Variants in CCBE1 observed in about 807,000 individuals in gnomAD.
CCBE1 encodes the protein collagen and calcium-binding EGF domain-containing protein 1.
A neutral mutation model predicts 50.0 loss-of-function variants in CCBE1; 37 were observed. The ratio of observed to expected loss-of-function variants is 0.74; its 90% CI spans 0.57 to 0.97. The LOEUF (loss-of-function observed/expected upper bound fraction) is 0.97. Ranked by LOEUF, CCBE1 falls within the 50% of genes least tolerant of loss-of-function variation. The pLI, the probability that CCBE1 is intolerant of heterozygous loss-of-function variation, is 0.00. For missense variants in CCBE1, 538 were observed against 523.8 expected (o/e 1.03, Z -0.26); for synonymous variants, 234 against 203.7 (o/e 1.15, Z -1.27).
At chr18:59,655,387 G>T (rs1206889521) in intron 2 of CCBE1, among the ~76,000 whole-genome samples, 1 of 152,198 alleles carries the variant, frequency 6.6e-6, no homozygotes, top group Non-Finnish European at 1.5e-5. Flanking sequence ...GGGTCCAGGA[G>T]ACAGAGGCTG....
At chr18:59,578,249 G>T (rs2053029225) in intron 2 of CCBE1, among the ~76,000 whole-genome samples, 1 of 152,334 alleles carries the variant, frequency 6.6e-6, no homozygotes, top group Non-Finnish European at 1.5e-5. Flanking sequence ...ACCACAGTGA[G>T]ATACCATCTC....
intron 2 of CCBE1, among the ~76,000 whole-genome samples, chr18:59,675,304 A>G (rs28566500): frequency 0.28 from 42,486 of 152,082 alleles, 6,527 homozygotes; most frequent in Non-Finnish European, 0.35. Flanking sequence ...TTGTGTACCA[A>G]CCATGGTACT....
At chr18:59,496,498 G>C in intron 2 of CCBE1, among the ~76,000 whole-genome samples, 1 of 152,188 alleles carries the variant, frequency 6.6e-6, no homozygotes, top group Admixed American at 6.5e-5. Context: ...GAAGGAATTA[G>C]GGATTGACAG....
Position 59,543,834 on chromosome 18 carries a change from C to CAAAAAAAAAAAAAAA in CCBE1, c.213-63611_213-63597dup, listed in dbSNP as rs10678902. On this transcript the variant is annotated intron_variant, in intron 2 of 10. Coordinates refer to ENST00000439986, the MANE Select transcript of CCBE1 (RefSeq NM_133459.4). ...TGGGAGATAGAGCGAGACTCCGTCTCAAAAAAAAAAAAAAAAAAAAAAAAC... is the reference window on the plus strand; with the variant it reads ...TGGGAGATAGAGCGAGACTCCGTCTCAAAAAAAAAAAAAAAAAAAAAAAAAAAAAAAAAAAAAAAC... 1.8e-3 allele frequency among the ~76,000 whole-genome samples: 123 copies of CAAAAAAAAAAAAAAA among 68,970 alleles called. 4 individuals carry two copies. The highest frequency in any genetic ancestry group is 8.3e-3 in the African/African-American group (115 of 13,808). The allele number at this position is 68,970 out of a possible 152,430, so 45.2% of individuals were successfully genotyped here. A position where few individuals can be genotyped will look rare whatever the true frequency, so the allele number is the denominator to read the frequency against.
intron 5 of CCBE1, among the ~76,000 whole-genome samples, chr18:59,455,958 C>A (rs1031002302): frequency 1.3e-5 from 2 of 152,204 alleles, no homozygotes; most frequent in Admixed American, 1.3e-4. Flanking sequence ...TCGGGTAATG[C>A]GTGACCATCT....
At position 59,432,078 on chromosome 18, in the gene CCBE1, CG is replaced by C; in HGVS notation, c.*3829del. 6.6e-6 allele frequency: 1 copy of C among 152,188 alleles called. No individual in the cohort carries two copies. Among genetic ancestry groups the C allele is most frequent in the Non-Finnish European group, 1.5e-5 (1 of 68,084 alleles). The allele number at this position is 152,188 out of a possible 1,614,324, so 9.4% of individuals were successfully genotyped here. The stretch of plus-strand genomic sequence containing the variant: ...AAGCAATTCTTGTGTCTCAGCTTCC[CG>C]AGTAGCTGAGACTACAGGCGTGCAC... On this transcript the variant is annotated 3_prime_UTR_variant, in exon 11 of 11. Coordinates refer to ENST00000439986, the MANE Select transcript of CCBE1 (RefSeq NM_133459.4).
At position 59,667,964 on chromosome 18, in the gene CCBE1, C is replaced by T. The variant is rs548028410; in HGVS notation, c.212+28665G>A. Among the ~76,000 whole-genome samples, 16 of 151,928 alleles carry T rather than the reference C, an allele frequency of 1.1e-4. No individual in the cohort carries two copies. The East Asian group carries it at 3.1e-3, about 29-fold the overall frequency. On this transcript the variant is annotated intron_variant, in intron 2 of 10. Coordinates refer to ENST00000439986, the MANE Select transcript of CCBE1 (RefSeq NM_133459.4). ...ACACAGGGAGAGGAACATCACACAC[C>T]GGGACCTATCGAGGGGTGGGGAGCT...
chr18:59,690,937 C>T (rs2054722651), intron 2 of CCBE1, among the ~76,000 whole-genome samples: 1 of 152,226 alleles, frequency 6.6e-6, no homozygotes, highest in Admixed American at 6.5e-5. Context: ...TTAGCTATAG[C>T]TGCCAGAATC....
intron 7 of CCBE1, among the ~76,000 whole-genome samples, chr18:59,441,911 C>T (rs369885026): frequency 2.0e-5 from 3 of 152,066 alleles, no homozygotes; most frequent in African/African-American, 4.8e-5. Flanking sequence ...AAAAGAAAAC[C>T]CTACAGTGGC....
At chr18:59,648,565 G>C (rs149088234) in intron 2 of CCBE1, among the ~76,000 whole-genome samples, 2 of 152,320 alleles carry the variant, frequency 1.3e-5, no homozygotes, top group East Asian at 3.9e-4. Context: ...AATTAGTCAG[G>C]CGTGGTGGCG....
At chr18:59,582,272 CAT>C (rs1188821166) in intron 2 of CCBE1, among the ~76,000 whole-genome samples, 4 of 152,198 alleles carry the variant, frequency 2.6e-5, no homozygotes, top group Admixed American at 6.5e-5. Context: ...CTCCTGAACT[CAT>C]ATACTTGTGA....
At chr18:59,526,113 C>G (rs1344906214) in intron 2 of CCBE1, among the ~76,000 whole-genome samples, 1 of 152,062 alleles carries the variant, frequency 6.6e-6, no homozygotes, top group Non-Finnish European at 1.5e-5. Context: ...TTTTCTGGTT[C>G]TGTGAAGAAT....
chr18:59,670,946 C>CA (rs989623533), intron 2 of CCBE1, among the ~76,000 whole-genome samples: 2 of 152,114 alleles, frequency 1.3e-5, no homozygotes, highest in South Asian at 2.1e-4. Context: ...GAAACTGTCT[C>CA]AAAAAAATAA....
intron 2 of CCBE1, among the ~76,000 whole-genome samples, chr18:59,638,332 TTC>T (rs2053942053): frequency 6.6e-6 from 1 of 152,218 alleles, no homozygotes; most frequent in African/African-American, 2.4e-5. Context: ...TCTAAAGCGT[TTC>T]AAGATCAGCA....
intron 2 of CCBE1, among the ~76,000 whole-genome samples, chr18:59,603,330 A>G (rs1479505876): frequency 6.6e-6 from 1 of 152,234 alleles, no homozygotes; most frequent in Non-Finnish European, 1.5e-5. Flanking sequence ...AATTTCATCT[A>G]GACCACTCGG....
intron 2 of CCBE1, among the ~76,000 whole-genome samples, chr18:59,692,076 G>T (rs931458820): frequency 6.6e-6 from 1 of 152,142 alleles, no homozygotes; most frequent in African/African-American, 2.4e-5. Context: ...TCCTACATTT[G>T]AAAATAGCAT....
At chr18:59,446,528 G>T (rs999736640) in intron 7 of CCBE1, among the ~76,000 whole-genome samples, 1 of 152,214 alleles carries the variant, frequency 6.6e-6, no homozygotes, top group Non-Finnish European at 1.5e-5. Context: ...ATCCTGAATC[G>T]TCTTATTCTC....
chr18:59,459,465 A>ACTT (rs549652009), intron 5 of CCBE1, among the ~76,000 whole-genome samples: 134 of 152,332 alleles, frequency 8.8e-4, no homozygotes, highest in Non-Finnish European at 1.1e-3. Flanking sequence ...CTGTGGTCAC[A>ACTT]CTTCTGGGAA....
intron 2 of CCBE1, among the ~76,000 whole-genome samples, chr18:59,492,971 C>T (rs892728809): frequency 6.6e-6 from 1 of 152,230 alleles, no homozygotes; most frequent in African/African-American, 2.4e-5. Flanking sequence ...GTGATCCTTC[C>T]TCCCACCACA....
Sources: allele counts gnomAD v4.1 joint callset (sites outside exome capture counted in the v4.1 genomes callset), GRCh38; gene constraint gnomAD v4.1.1; transcripts MANE v1.5; gene names NCBI Gene and HGNC (gene_info 2026-07-23, HGNC 2026-07-21).